The following TANC2 variants were observed in gnomAD, a reference collection of about 807,000 sequenced individuals.
TANC2 encodes tetratricopeptide repeat, ankyrin repeat and coiled-coil containing 2.
A neutral mutation model predicts 210.5 loss-of-function variants in TANC2; 26 were observed. That is an observed-to-expected ratio of 0.12 (90% CI 0.09 to 0.17). The LOEUF is 0.17. TANC2 is among the 10% of genes least tolerant of loss of function. The pLI is 1.00. For synonymous variants in TANC2, 931 were observed against 967.1 expected, an observed-to-expected ratio of 0.96 and a Z score of 0.69; for missense variants, 2,129 against 2,608.9, an observed-to-expected ratio of 0.82 and a Z score of 4.01.
chr17:63,302,950 G>A (rs577417371), intron 9 of TANC2, among the ~76,000 whole-genome samples: 30 of 152,112 alleles, frequency 2.0e-4, no homozygotes, highest in Non-Finnish European at 3.7e-4. Context: ...TTTTAGTAGA[G>A]ACAGTTTCGC....
intron 14 of TANC2, among the ~76,000 whole-genome samples, chr17:63,370,887 C>T (rs758520163): frequency 6.6e-6 from 1 of 152,100 alleles, no homozygotes; most frequent in Non-Finnish European, 1.5e-5. Context: ...TCACATAACC[C>T]CACTTGAATG....
At chr17:63,369,616 T>A (rs1475592173) in intron 14 of TANC2, among the ~76,000 whole-genome samples, 1 of 149,944 alleles carries the variant, frequency 6.7e-6, no homozygotes. Context: ...TGCAGTGGCA[T>A]GATCTCAGCT....
At chr17:63,424,912 T>C (rs1000239634) in exon 28 of TANC2, 1 of 152,234 alleles carries the variant, frequency 6.6e-6, no homozygotes, top group South Asian at 2.1e-4. Context: ...TTTTTTAATA[T>C]GAAAAATATT....
chr17:63,387,311 A>C (rs2047816613), intron 15 of TANC2, among the ~76,000 whole-genome samples: 1 of 152,156 alleles, frequency 6.6e-6, no homozygotes, highest in African/African-American at 2.4e-5. Flanking sequence ...CCTTTCCTCT[A>C]GTGTGAGAAT....
chr17:63,420,665 C>G lies in TANC2; in HGVS notation c.4935C>G (p.Pro1645=), dbSNP rs1487429143. The stretch of plus-strand genomic sequence containing the variant: ...TCTATAGATCCCAGTCTGGTTCACC[C>G]GTGCGCTATCAGCAGGAAACAAGCG... Residue 1645 remains proline (P), a synonymous_variant, in exon 28 of 28, where the codon CCC becomes CCG. Coordinates refer to ENST00000689528, the Ensembl canonical transcript of TANC2. The surrounding 1 kb of genome is among the most constrained non-coding windows in gnomAD (Gnocchi z 4.2). The G allele has an allele frequency of 1.9e-6, 3 of 1,613,578 alleles. No homozygotes were observed. Among genetic ancestry groups the G allele is most frequent in the Non-Finnish European group, 2.5e-6 (3 of 1,179,730 alleles).
intron 9 of TANC2, among the ~76,000 whole-genome samples, chr17:63,297,896 A>T (rs1205964686): frequency 6.6e-6 from 1 of 152,150 alleles, no homozygotes; most frequent in Non-Finnish European, 1.5e-5. Flanking sequence ...AAAATGAATA[A>T]ATGACTTGAA....
At chr17:63,320,274 TCAGTA>T (rs1051925784) in intron 11 of TANC2, 2 of 152,212 alleles carry the variant, frequency 1.3e-5, no homozygotes, top group Admixed American at 1.3e-4. Context: ...AAAATTTCTG[TCAGTA>T]CAGTTTTCCA....
chr17:63,222,270 T>C (rs1391887158), intron 7 of TANC2, among the ~76,000 whole-genome samples: 2 of 152,136 alleles, frequency 1.3e-5, no homozygotes, highest in Non-Finnish European at 2.9e-5. Context: ...GGTTAGAATT[T>C]CAATGTATGA....
At chr17:63,092,735 C>G (rs2037246060) in intron 3 of TANC2, among the ~76,000 whole-genome samples, 1 of 152,012 alleles carries the variant, frequency 6.6e-6, no homozygotes, top group Non-Finnish European at 1.5e-5. Flanking sequence ...TGAGAACTCA[C>G]TATCACGAAG....
At chr17:63,289,518 G>GT (rs1484794709) in intron 9 of TANC2, among the ~76,000 whole-genome samples, 1 of 152,008 alleles carries the variant, frequency 6.6e-6, no homozygotes, top group Non-Finnish European at 1.5e-5. Context: ...CTTTTGCAGT[G>GT]TTTTTTAATC....
chr17:63,029,895 T>C (rs923132446), intron 2 of TANC2, among the ~76,000 whole-genome samples: 2 of 152,182 alleles, frequency 1.3e-5, no homozygotes, highest in African/African-American at 4.8e-5. Flanking sequence ...GAGAGGAGAC[T>C]ATTTGGTTCA....
intron 1 of TANC2, among the ~76,000 whole-genome samples, chr17:63,005,945 T>TGTGTGA (rs1491386047): frequency 1.4e-5 from 2 of 139,450 alleles, no homozygotes. Context: ...TGTGTGTGTG[T>TGTGTGA]GAAGAGTTTT....
chr17:63,171,820 G>C (rs1212025850), intron 5 of TANC2, among the ~76,000 whole-genome samples: 1 of 152,094 alleles, frequency 6.6e-6, no homozygotes, highest in Non-Finnish European at 1.5e-5. Flanking sequence ...ATCCTCTTTG[G>C]TACTGTGGAA....
rs756992729 is a variant in TANC2 at position 63,421,225 on chromosome 17, C to A, written c.5495C>A (p.Ser1832Ter). The A allele has an allele frequency of 6.2e-7, 1 of 1,614,026 alleles. No homozygotes were observed. Among genetic ancestry groups the A allele is most frequent in the Non-Finnish European group, 8.5e-7 (1 of 1,179,900 alleles). Residue 1832 changes from serine to a stop codon, truncating the protein, a stop_gained, in exon 28 of 28, where the codon TCG (serine) becomes TAG (stop). Transcript: ENST00000689528. LOFTEE classifies it high-confidence loss of function. The surrounding 1 kb of genome is among the most constrained non-coding windows in gnomAD (Gnocchi z 6.9). ...AGCCAACTAGGTTCCCCTGATGTGTCGCATTTAATCAGAAGACCTATCAGT... is the reference window on the plus strand; with the variant it reads ...AGCCAACTAGGTTCCCCTGATGTGTAGCATTTAATCAGAAGACCTATCAGT...
intron 7 of TANC2, among the ~76,000 whole-genome samples, chr17:63,223,980 C>G (rs2042262898): frequency 6.6e-6 from 1 of 152,158 alleles, no homozygotes; most frequent in East Asian, 1.9e-4. Flanking sequence ...GAATATTTTA[C>G]TACAGTGGCA....
exon 3 of TANC2, chr17:63,073,994 G>T (rs749544865): frequency 6.3e-7 from 1 of 1,585,552 alleles, no homozygotes; most frequent in Non-Finnish European, 8.6e-7. Context: ...GTAGACTCTC[G>T]CCAAAGCCGC....
chr17:63,054,515 G>A (rs1474170929), intron 2 of TANC2, among the ~76,000 whole-genome samples: 2 of 151,764 alleles, frequency 1.3e-5, no homozygotes, highest in Admixed American at 6.6e-5. Flanking sequence ...GAGATTACAG[G>A]CATGTGCCAC....
Position 63,421,764 on chromosome 17 carries a change from A to G in TANC2, c.6034A>G (p.Asn2012Asp). 1 of 1,614,042 alleles carries G rather than the reference A, an allele frequency of 6.2e-7. No homozygotes were observed. The highest frequency in any genetic ancestry group is 8.5e-7 in the Non-Finnish European group (1 of 1,179,886). ...TTACAGCCCCCATGGGATGCTGGCTAACGGGTCTCGTGGAGACCTCTTGGA... is the reference window on the plus strand; with the variant it reads ...TTACAGCCCCCATGGGATGCTGGCTGACGGGTCTCGTGGAGACCTCTTGGA... Residue 2012 changes from asparagine to aspartate, a missense_variant, in exon 28 of 28, where the codon AAC becomes GAC. Around this residue, in one of 5 missense-constraint regions of TANC2, gnomAD observed 161 missense variants for 178.6 expected, o/e 0.90. Coordinates refer to ENST00000689528, the Ensembl canonical transcript of TANC2. This position sits in a 1 kb window ranked among gnomAD's most constrained non-coding sequence, Gnocchi z 6.9.
chr17:63,321,578 G>T (rs1457489545), intron 11 of TANC2, among the ~76,000 whole-genome samples: 2 of 152,104 alleles, frequency 1.3e-5, no homozygotes, highest in African/African-American at 4.8e-5. Context: ...TTCCTGGGCT[G>T]TTCAAATTCT....
Sources: gnomAD v4.1 joint callset for allele counts (sites outside exome capture counted in the v4.1 genomes callset) on GRCh38, gnomAD v4.1.1 for gene constraint, gnomAD v4.1.1 regional missense constraint, Gnocchi (gnomAD v3.1) non-coding constraint, MANE v1.5 for transcripts, NCBI Gene and HGNC (gene_info 2026-07-23, HGNC 2026-07-21) for gene names.